The following CHN2 variants were observed in gnomAD, a reference collection of about 807,000 sequenced individuals.
CHN2 encodes beta-chimaerin.
Under a neutral mutation model 56.3 loss-of-function variants are expected in CHN2, and 35 were observed. The ratio of observed to expected loss-of-function variants is 0.62; its 90% CI spans 0.47 to 0.82. CHN2 has a LOEUF of 0.82. Among genes scored for constraint, CHN2 ranks in the 40% least tolerant of loss-of-function variants. CHN2 has a pLI of 0.00. For missense variants in CHN2, 491 were observed against 580.5 expected, an observed-to-expected ratio of 0.85 and a Z score of 1.58; for synonymous variants, 210 against 212.8, an observed-to-expected ratio of 0.99 and a Z score of 0.12.
chr7:29,385,069 T>C (rs1800813968), intron 3 of CHN2, among the ~76,000 whole-genome samples: 1 of 152,240 alleles, frequency 6.6e-6, no homozygotes, highest in African/African-American at 2.4e-5. Flanking sequence ...CCCTTATTAA[T>C]CTTACTGACA....
intron 1 of CHN2, among the ~76,000 whole-genome samples, chr7:29,244,353 G>A (rs1160906137): frequency 1.3e-5 from 2 of 152,192 alleles, no homozygotes; most frequent in Non-Finnish European, 2.9e-5. Context: ...ACAGAGGGAT[G>A]CACCAACCAA....
chr7:29,279,052 C>T (rs1584947052), intron 1 of CHN2, among the ~76,000 whole-genome samples: 1 of 151,912 alleles, frequency 6.6e-6, no homozygotes, highest in African/African-American at 2.4e-5. Context: ...CTGCAATGGA[C>T]CTTCCATAGC....
At chr7:29,308,907 A>G (rs954920528) in intron 1 of CHN2, among the ~76,000 whole-genome samples, 1 of 152,190 alleles carries the variant, frequency 6.6e-6, no homozygotes, top group Admixed American at 6.5e-5. Context: ...TTCCTCTCCA[A>G]GACCAGAAGG....
chr7:29,376,199 T>C (rs1800066861), intron 3 of CHN2: 1 of 152,236 alleles, frequency 6.6e-6, no homozygotes, highest in Admixed American at 6.5e-5. Flanking sequence ...TATTTACTTG[T>C]TGTCAGTCTT....
At chr7:29,249,105 G>T (rs1419768915) in intron 1 of CHN2, among the ~76,000 whole-genome samples, 1 of 152,084 alleles carries the variant, frequency 6.6e-6, no homozygotes, top group African/African-American at 2.4e-5. Flanking sequence ...ATTTATTTGG[G>T]GGATTGGCTC....
At chr7:29,298,951 A>C (rs1793418229) in intron 1 of CHN2, among the ~76,000 whole-genome samples, 1 of 152,230 alleles carries the variant, frequency 6.6e-6, no homozygotes, top group African/African-American at 2.4e-5. Context: ...TATTTGCATA[A>C]AGTGCAGCAA....
chr7:29,455,201 A>G (rs1784663251), intron 6 of CHN2, among the ~76,000 whole-genome samples: 1 of 152,184 alleles, frequency 6.6e-6, no homozygotes, highest in African/African-American at 2.4e-5. Context: ...AAAATGTACT[A>G]TGGGTTGACA....
In CHN2 at chr7:29,258,968, G is replaced by A. The variant is rs189421317; in HGVS notation, c.49+63978G>A. 4.9e-3 allele frequency among the ~76,000 whole-genome samples: 750 copies of A among 151,622 alleles called. 4 individuals carry two copies. Among genetic ancestry groups the A allele is most frequent in the African/African-American group, 0.017 (721 of 41,324 alleles). ...TGTAAACACCAAATGTCCAGCAATA[G>A]GGAACTAGTAGAATATAGACTGTGG... On this transcript the variant is annotated intron_variant, in intron 1 of 12. Transcript: ENST00000222792.
At chr7:29,227,479 A>C (rs1265143330) in intron 1 of CHN2, among the ~76,000 whole-genome samples, 1 of 152,202 alleles carries the variant, frequency 6.6e-6, no homozygotes, top group African/African-American at 2.4e-5. Flanking sequence ...TCGTAAGTCC[A>C]TATAGGTCTG....
intron 1 of CHN2, among the ~76,000 whole-genome samples, chr7:29,237,232 A>G (rs1366519456): frequency 1.3e-5 from 2 of 152,228 alleles, no homozygotes; most frequent in Admixed American, 1.3e-4. Flanking sequence ...TGTGATTAGA[A>G]TTAGCAGTGT....
chr7:29,276,643 G>A (rs748718162), intron 1 of CHN2, among the ~76,000 whole-genome samples: 1 of 152,176 alleles, frequency 6.6e-6, no homozygotes, highest in Non-Finnish European at 1.5e-5. Context: ...AAATCACTTG[G>A]CACTTCGTAA....
chr7:29,482,582 G>A (rs1787384680), intron 7 of CHN2, among the ~76,000 whole-genome samples: 1 of 151,728 alleles, frequency 6.6e-6, no homozygotes, highest in Admixed American at 6.6e-5. Context: ...CATCTGCTTG[G>A]AATTTGTGTT....
Position 29,197,677 on chromosome 7 carries a change from G to A in CHN2, c.49+2687G>A, listed in dbSNP as rs144170898. Among the ~76,000 whole-genome samples, 162 of 152,304 alleles carry A rather than the reference G, an allele frequency of 1.1e-3. 2 individuals carry two copies. Among genetic ancestry groups the A allele is most frequent in the African/African-American group, 3.6e-3 (150 of 41,568 alleles). Reference sequence around the variant, plus strand: ...ATTTTGGGCTTCATTAAATAAGCACGCGAGTGTTTTCCAGGTTTCAGGCAT... The same window carrying A: ...ATTTTGGGCTTCATTAAATAAGCACACGAGTGTTTTCCAGGTTTCAGGCAT... On this transcript the variant is annotated intron_variant, in intron 1 of 12. Transcript: ENST00000222792.
At chr7:29,299,408 TAAC>T (rs1389931538) in intron 1 of CHN2, among the ~76,000 whole-genome samples, 2 of 152,230 alleles carry the variant, frequency 1.3e-5, no homozygotes, top group East Asian at 3.8e-4. Context: ...TGGGAGACCT[TAAC>T]AAAGGATTTG....
chr7:29,429,453 C>T (rs897967938), intron 6 of CHN2, among the ~76,000 whole-genome samples: 11 of 152,056 alleles, frequency 7.2e-5, no homozygotes, highest in African/African-American at 2.7e-4. Flanking sequence ...GTTTTTGGTT[C>T]GCTTTGATAT....
intron 1 of CHN2, among the ~76,000 whole-genome samples, chr7:29,284,660 G>T (rs751508123): frequency 3.9e-5 from 6 of 152,200 alleles, no homozygotes; most frequent in Non-Finnish European, 7.3e-5. Context: ...AGAATCCTGA[G>T]CTCAAGAAAG....
At chr7:29,170,224 G>C (rs932347452) in intron 2 of CHN2, among the ~76,000 whole-genome samples, 2 of 152,126 alleles carry the variant, frequency 1.3e-5, no homozygotes, top group Non-Finnish European at 2.9e-5. Context: ...ACAATAGATT[G>C]CTGGTGATAC....
chr7:29,218,963 AT>A (rs1352704828), intron 1 of CHN2, among the ~76,000 whole-genome samples: 1 of 146,200 alleles, frequency 6.8e-6, no homozygotes, highest in Non-Finnish European at 1.5e-5. Context: ...TAATAATATA[AT>A]TTAAAAAAAA....
intron 3 of CHN2, among the ~76,000 whole-genome samples, chr7:29,378,716 A>C (rs1264558205): frequency 6.6e-6 from 1 of 152,246 alleles, no homozygotes; most frequent in Non-Finnish European, 1.5e-5. Flanking sequence ...CTGTAATCCC[A>C]GCACTTTGGG....
Sources: gnomAD v4.1 joint callset for allele counts (sites outside exome capture counted in the v4.1 genomes callset) on GRCh38, gnomAD v4.1.1 for gene constraint, MANE v1.5 for transcripts, NCBI Gene and HGNC (gene_info 2026-07-23, HGNC 2026-07-21) for gene names.